MAEA: variants seen among roughly 807,000 people sequenced by gnomAD.
The protein encoded by MAEA is E3 ubiquitin-protein transferase MAEA.
MAEA carries 22 observed loss-of-function variants against 46.2 expected under a neutral mutation model. The ratio of observed to expected loss-of-function variants is 0.48; its 90% CI spans 0.34 to 0.68. The LOEUF (loss-of-function observed/expected upper bound fraction) is 0.68, where lower values mean the gene tolerates loss of function less well. Among genes scored for constraint, MAEA ranks in the 30% least tolerant of loss-of-function variants. MAEA has a pLI of 0.01. For missense variants in MAEA, 393 were observed against 558.1 expected, an observed-to-expected ratio of 0.70 and a Z score of 2.98; for synonymous variants, 246 against 222.6, an observed-to-expected ratio of 1.11 and a Z score of -0.94.
In MAEA at chr4:1,336,896, C is replaced by A. The variant is rs769509880; in HGVS notation, c.801C>A (p.Ile267=). The part of the protein sequence containing the change: ...LLDPARWRML[I]QQFRYDNYRL... The stretch of plus-strand genomic sequence containing the variant: ...ACCCTGCACGGTGGCGGATGCTGAT[C>A]CAGCAGTTCCGGTACGACAACTACC... Residue 267 remains isoleucine (I), a synonymous_variant, in exon 7 of 9, where the codon ATC becomes ATA. Transcript: ENST00000303400. 1.9e-6 allele frequency: 3 copies of A among 1,613,900 alleles called. No individual in the cohort carries two copies. In the East Asian group the frequency reaches 6.7e-5, roughly 36 times the overall value.
At chr4:1,332,916 G>GACACACCC in intron 6 of MAEA, 51 bp downstream of exon 6, 1 of 1,427,162 alleles carries the variant, frequency 7.0e-7, no homozygotes, top group Non-Finnish European at 9.7e-7. Context: ...GGGATCCAGG[G>GACACACCC]TGTGTCTCTG....
intron 1 of MAEA, chr4:1,298,235 T>G (rs11729033): frequency 0.12 from 46,667 of 375,476 alleles, 6,396 homozygotes; most frequent in East Asian, 0.42. Flanking sequence ...TTTCCTTTCT[T>G]TTACTGGAGA....
chr4:1,315,638 G>A, intron 3 of MAEA, 38 bp downstream of exon 3: 1 of 1,605,978 alleles, frequency 6.2e-7, no homozygotes, highest in Non-Finnish European at 8.5e-7. Context: ...CGCCCCAGCT[G>A]GCCCCAGGCC....
Position 1,338,510 on chromosome 4 carries a change from A to G in MAEA, c.988A>G (p.Met330Val), listed in dbSNP as rs1273704418. ...SLNKLAQPLP[M>V]AHCANSRLVC... ...GAACAAGCTGGCGCAGCCCCTGCCC[A>G]TGGCCCACTGTGCCAACTCCCGCCT... Residue 330 changes from methionine (M) to valine (V), a missense_variant, in exon 8 of 9, where the codon ATG (methionine) becomes GTG (valine). Met to Val is a conservative substitution (Grantham distance 21). This residue lies in a region of MAEA where 358 missense variants were observed against 537.9 expected (regional missense o/e 0.67). Transcript: ENST00000303400. 6.2e-7 allele frequency: 1 copy of G among 1,613,312 alleles called. No individual in the cohort carries two copies. Among genetic ancestry groups the G allele is most frequent in the Non-Finnish European group, 8.5e-7 (1 of 1,179,986 alleles).
intron 2 of MAEA, among the ~76,000 whole-genome samples, chr4:1,312,907 A>G (rs1191094165): frequency 6.6e-6 from 1 of 152,228 alleles, no homozygotes; most frequent in Non-Finnish European, 1.5e-5. Context: ...ACCGAAAGGA[A>G]TCGCCAGGCC....
rs1036052167 is a variant in MAEA at position 1,328,981 on chromosome 4, C to T, written c.656+1278C>T. Reference sequence around the variant, plus strand: ...GGCCCCCTGTCAAGAGGAGGGGCTCCCGCTCTGCTCTGGCCTCCGTGTGGC... The same window carrying T: ...GGCCCCCTGTCAAGAGGAGGGGCTCTCGCTCTGCTCTGGCCTCCGTGTGGC... On this transcript the variant is annotated intron_variant, in intron 5 of 8. Coordinates refer to ENST00000303400, the MANE Select transcript of MAEA (RefSeq NM_001017405.3). 2.6e-4 allele frequency: 258 copies of T among 991,496 alleles called. 1 individual carries two copies. In the Admixed American group the frequency reaches 4.2e-3, roughly 16 times the overall value. The allele number at this position is 991,496 out of a possible 1,614,324, so 61.4% of individuals were successfully genotyped here.
chr4:1,300,436 A>G (rs1053506100), intron 1 of MAEA, among the ~76,000 whole-genome samples: 2 of 152,226 alleles, frequency 1.3e-5, no homozygotes, highest in Non-Finnish European at 2.9e-5. Context: ...TCCCTTTGAA[A>G]TACTTTATGG....
At chr4:1,329,422 C>G in intron 5 of MAEA, 1 of 985,490 alleles carries the variant, frequency 1.0e-6, no homozygotes, top group Admixed American at 6.1e-5. Flanking sequence ...GAGCTGTGCC[C>G]TCTGCGGCCT....
At chr4:1,294,864 C>T (rs866684062) in intron 1 of MAEA, among the ~76,000 whole-genome samples, 10 of 151,572 alleles carry the variant, frequency 6.6e-5, no homozygotes, top group Non-Finnish European at 1.0e-4. Context: ...CCAGTGAATG[C>T]GATATTGTGA....
At chr4:1,337,716 A>ACTCTGCCCCTGCCCTGTGACTGT (rs1712971853) in intron 7 of MAEA, 2 of 166,950 alleles carry the variant, frequency 1.2e-5, no homozygotes, top group Admixed American at 6.3e-5. Context: ...CCTGTGACTG[A>ACTCTGCCCCTGCCCTGTGACTGT]CTCTGCCCCT....
intron 3 of MAEA, among the ~76,000 whole-genome samples, chr4:1,316,865 C>T (rs987325212): frequency 6.6e-6 from 1 of 151,998 alleles, no homozygotes. Context: ...GCAGCCTCCC[C>T]CACACTCCTG....
Position 1,339,256 on chromosome 4 carries a change from C to A in MAEA, c.*87C>A. 1 of 945,516 alleles carries A rather than the reference C, an allele frequency of 1.1e-6. No individual in the cohort carries two copies. The highest frequency in any genetic ancestry group is 1.7e-6 in the Non-Finnish European group (1 of 585,742). 58.6% of individuals were successfully genotyped at this position (945,516 alleles called of 1,614,324 possible). A position where few individuals can be genotyped will look rare whatever the true frequency, so the allele number is the denominator to read the frequency against. On this transcript the variant is annotated 3_prime_UTR_variant, in exon 9 of 9. Coordinates refer to ENST00000303400, the MANE Select transcript of MAEA (RefSeq NM_001017405.3). ...TCCTCCTGTCCCACGCTCCAGCCTGCCGCGGCGTTTCTGTTTCTTGCGACC... is the reference window on the plus strand; with the variant it reads ...TCCTCCTGTCCCACGCTCCAGCCTGACGCGGCGTTTCTGTTTCTTGCGACC...
At chr4:1,312,910 G>T (rs1577172436) in intron 2 of MAEA, among the ~76,000 whole-genome samples, 1 of 152,188 alleles carries the variant, frequency 6.6e-6, no homozygotes, top group Non-Finnish European at 1.5e-5. Flanking sequence ...GAAAGGAATC[G>T]CCAGGCCAGA....
intron 2 of MAEA, among the ~76,000 whole-genome samples, chr4:1,313,580 C>G (rs971618552): frequency 3.3e-5 from 5 of 151,934 alleles, no homozygotes; most frequent in Admixed American, 2.6e-4. Context: ...TAAAAATAGC[C>G]AAGCGTACTG....
intron 4 of MAEA, among the ~76,000 whole-genome samples, chr4:1,324,658 TGCC>T (rs1201681320): frequency 7.9e-6 from 1 of 127,056 alleles, no homozygotes; most frequent in African/African-American, 3.2e-5. Flanking sequence ...TGAGATTGGA[TGCC>T]TGGTGGATGA....
At chr4:1,321,489 G>A (rs982011984) in intron 3 of MAEA, among the ~76,000 whole-genome samples, 1 of 152,336 alleles carries the variant, frequency 6.6e-6, no homozygotes, top group African/African-American at 2.4e-5. Flanking sequence ...AAGAAAAGGT[G>A]CAAGAAAACA....
chr4:1,320,452 G>A (rs1440008919), intron 3 of MAEA, among the ~76,000 whole-genome samples: 1 of 148,904 alleles, frequency 6.7e-6, no homozygotes, highest in Admixed American at 6.7e-5. Context: ...AAGCAAATAT[G>A]CAAGAAAACG....
intron 3 of MAEA, among the ~76,000 whole-genome samples, chr4:1,321,261 C>G (rs1738053375): frequency 6.6e-6 from 1 of 150,812 alleles, no homozygotes; most frequent in Non-Finnish European, 1.5e-5. Context: ...AAGAAATCAT[C>G]AAAGCAAACG....
At chr4:1,319,989 C>A (rs5013707) in intron 3 of MAEA, among the ~76,000 whole-genome samples, 34,058 of 141,800 alleles carry the variant, frequency 0.24, 4,800 homozygotes, top group East Asian at 0.47. Context: ...AGAAAAGAAT[C>A]ATCAAAGCAA....
Sources: allele counts gnomAD v4.1 joint callset (sites outside exome capture counted in the v4.1 genomes callset), GRCh38; gene constraint gnomAD v4.1.1; regional missense constraint gnomAD v4.1.1; transcripts MANE v1.5; gene names NCBI Gene and HGNC (gene_info 2026-07-23, HGNC 2026-07-21).